CSNK1G1: variants seen among roughly 807,000 people sequenced by gnomAD.
The protein encoded by CSNK1G1 is casein kinase I isoform gamma-1.
In CSNK1G1, 22 loss-of-function variants were observed where a neutral mutation model predicts 59.6. That is an observed-to-expected ratio of 0.37 (90% CI 0.26 to 0.53). The LOEUF is 0.53. CSNK1G1 is among the 20% of genes least tolerant of loss of function. The probability of loss-of-function intolerance (pLI) is 0.89; values close to 1 mark genes in which losing one functional copy is unlikely to be tolerated. For synonymous variants in CSNK1G1, 179 were observed against 177.1 expected (o/e 1.01, Z -0.08); for missense variants, 384 against 519.5 (o/e 0.74, Z 2.54).
chr15:64,238,518 A>ATATATATATAT (rs1331534551), intron 4 of CSNK1G1, among the ~76,000 whole-genome samples: 1 of 49,248 alleles, frequency 2.0e-5, no homozygotes, highest in Non-Finnish European at 3.2e-5. Flanking sequence ...AAAAAAAAAA[A>ATATATATATAT]ATATATATAT....
At chr15:64,266,570 C>T (rs1385221167) in intron 2 of CSNK1G1, among the ~76,000 whole-genome samples, 1 of 152,024 alleles carries the variant, frequency 6.6e-6, no homozygotes, top group Non-Finnish European at 1.5e-5. Flanking sequence ...CCAAAATAAT[C>T]TTGGGCAAAA....
chr15:64,327,376 G>A (rs560939241), intron 1 of CSNK1G1, among the ~76,000 whole-genome samples: 4,865 of 150,710 alleles, frequency 0.032, 240 homozygotes, highest in African/African-American at 0.11. Flanking sequence ...CCTGACCCCC[G>A]AGCAGCCTAA....
intron 1 of CSNK1G1, among the ~76,000 whole-genome samples, chr15:64,310,179 T>C (rs1159807890): frequency 6.6e-6 from 1 of 152,104 alleles, no homozygotes; most frequent in Non-Finnish European, 1.5e-5. Context: ...GGGTGCTTTC[T>C]GGAATTGTCA....
rs2081608109 is a variant in CSNK1G1 at position 64,166,806 on chromosome 15, G to A, written c.*5125C>T. The stretch of plus-strand genomic sequence containing the variant: ...TCCTCTTGTGGGTGTTACTGGAATG[G>A]CTGCACCACACCCCCACTTATTACC... On this transcript the variant is annotated 3_prime_UTR_variant, in exon 12 of 12. Coordinates refer to ENST00000303052, the MANE Select transcript of CSNK1G1 (RefSeq NM_022048.5). The surrounding 1 kb of genome is among the most constrained non-coding windows in gnomAD (Gnocchi z 4.5). 1 of 152,606 alleles carries A rather than the reference G, an allele frequency of 6.6e-6. No individual in the cohort carries two copies. Among genetic ancestry groups the A allele is most frequent in the African/African-American group, 2.4e-5 (1 of 41,430 alleles). The allele number at this position is 152,606 out of a possible 1,614,324, so 9.5% of individuals were successfully genotyped here. A position where few individuals can be genotyped will look rare whatever the true frequency, so the allele number is the denominator to read the frequency against.
chr15:64,258,857 A>G (rs1431266607), intron 3 of CSNK1G1, among the ~76,000 whole-genome samples: 1 of 152,178 alleles, frequency 6.6e-6, no homozygotes, highest in Non-Finnish European at 1.5e-5. Context: ...GTTAAGTTAG[A>G]GAAAAAAACA....
chr15:64,219,593 G>A (rs2140273621), intron 4 of CSNK1G1, among the ~76,000 whole-genome samples: 1 of 151,842 alleles, frequency 6.6e-6, no homozygotes, highest in South Asian at 2.1e-4. Flanking sequence ...CAAACAGCTG[G>A]GAGCACAGGC....
chr15:64,206,117 C>T (rs896454539), intron 7 of CSNK1G1, among the ~76,000 whole-genome samples: 6 of 152,140 alleles, frequency 3.9e-5, no homozygotes, highest in African/African-American at 1.2e-4. Context: ...ACCAGCCTGA[C>T]CAACATGGTG....
intron 1 of CSNK1G1, among the ~76,000 whole-genome samples, chr15:64,353,258 T>C (rs1335661540): frequency 6.6e-6 from 1 of 152,202 alleles, no homozygotes; most frequent in African/African-American, 2.4e-5. Context: ...TAACTAACTA[T>C]AAGTCACCTC....
chr15:64,250,944 G>A (rs1794988663), intron 4 of CSNK1G1, among the ~76,000 whole-genome samples: 1 of 152,170 alleles, frequency 6.6e-6, no homozygotes, highest in Non-Finnish European at 1.5e-5. Context: ...CTGGAAGCCA[G>A]TAAGATATTT....
chr15:64,289,546 AAATT>A (rs1894621445), intron 2 of CSNK1G1, among the ~76,000 whole-genome samples: 1 of 152,176 alleles, frequency 6.6e-6, no homozygotes, highest in South Asian at 2.1e-4. Context: ...TCTTCCAAGA[AAATT>A]AAAATGCACA....
At position 64,267,948 on chromosome 15, in the gene CSNK1G1, T is replaced by C. The variant is rs116400453; in HGVS notation, c.182-8707A>G. The stretch of plus-strand genomic sequence containing the variant: ...TGAACAACATGGCAAAACCCATCTC[T>C]ACAAAAAAATAAAGTAAAATAAATT... On this transcript the variant is annotated intron_variant, in intron 2 of 11. Transcript: ENST00000303052. 8.3e-3 allele frequency among the ~76,000 whole-genome samples: 1,259 copies of C among 152,010 alleles called. 17 individuals are homozygous for C. The highest frequency in any genetic ancestry group is 0.029 in the African/African-American group (1,205 of 41,448).
At chr15:64,334,395 T>G (rs1456435595) in intron 1 of CSNK1G1, among the ~76,000 whole-genome samples, 1 of 151,924 alleles carries the variant, frequency 6.6e-6, no homozygotes, top group Non-Finnish European at 1.5e-5. Flanking sequence ...TTCCACAGAC[T>G]GGGGGTGGAG....
chr15:64,324,495 T>C (rs6494474), intron 1 of CSNK1G1, among the ~76,000 whole-genome samples: 147,443 of 152,310 alleles, frequency 0.97, 71,514 homozygotes, highest in East Asian at 1. Flanking sequence ...ACATCTGACT[T>C]CAAGTTCTTC....
rs1489156130 is a variant in CSNK1G1, at chr15:64,210,779, C to T, written c.679+3111G>A. Among the ~76,000 whole-genome samples the T allele has an allele frequency of 6.6e-6, 1 of 152,202 alleles. No homozygotes were observed. Among genetic ancestry groups the T allele is most frequent in the Non-Finnish European group, 1.5e-5 (1 of 68,040 alleles). On this transcript the variant is annotated intron_variant, in intron 6 of 11. Transcript: ENST00000303052. This position sits in a 1 kb window ranked among gnomAD's most constrained non-coding sequence, Gnocchi z 4.2. ...TGTCCTTCCCCCGGACCCCCCAACACACACAAACCTCACGTTGAAATTTGA... is the reference window on the plus strand; with the variant it reads ...TGTCCTTCCCCCGGACCCCCCAACATACACAAACCTCACGTTGAAATTTGA...
chr15:64,198,951 ACT>A (rs894477575), intron 10 of CSNK1G1, among the ~76,000 whole-genome samples: 1 of 151,758 alleles, frequency 6.6e-6, no homozygotes, highest in Non-Finnish European at 1.5e-5. Context: ...GATACTAAAA[ACT>A]CTAAAATTAA....
At position 64,216,575 on chromosome 15, in the gene CSNK1G1, A is replaced by G. The variant is rs772521557; in HGVS notation, c.431T>C (p.Ile144Thr). ...ATTCCAACTTACCAGCTGGATGGCT[A>G]TCATTAACACCGTCTTCAAAGTAAA... ...RTFTLKTVLM[I>T]AIQLLSRMEY... Residue 144 changes from isoleucine to threonine, a missense_variant, in exon 5 of 12, where the codon ATA (isoleucine) becomes ACA (threonine). By Grantham distance (89) the Ile-to-Thr change is moderately conservative (BLOSUM62 -1). Coordinates refer to ENST00000303052, the MANE Select transcript of CSNK1G1 (RefSeq NM_022048.5). The surrounding 1 kb of genome is among the most constrained non-coding windows in gnomAD (Gnocchi z 4.6). 5.0e-6 allele frequency: 8 copies of G among 1,613,876 alleles called. No homozygotes were observed. The highest frequency in any genetic ancestry group is 1.7e-4 in the Middle Eastern group (1 of 6,056).
At chr15:64,213,566 T>C (rs2082274527) in intron 6 of CSNK1G1, among the ~76,000 whole-genome samples, 2 of 152,214 alleles carry the variant, frequency 1.3e-5, no homozygotes, top group Non-Finnish European at 2.9e-5. Flanking sequence ...AGGACTATCA[T>C]ATATAGGGTC....
chr15:64,281,442 T>C (rs752507045), intron 2 of CSNK1G1, among the ~76,000 whole-genome samples: 14 of 151,744 alleles, frequency 9.2e-5, no homozygotes, highest in Admixed American at 3.9e-4. Flanking sequence ...TCCATCTCTA[T>C]AAAAATAAAA....
At chr15:64,193,291 A>ACCAT (rs2081995916) in intron 10 of CSNK1G1, among the ~76,000 whole-genome samples, 1 of 152,028 alleles carries the variant, frequency 6.6e-6, no homozygotes, top group African/African-American at 2.4e-5. Context: ...GAAGATTGAG[A>ACCAT]CCATCCTGGC....
Sources: allele counts gnomAD v4.1 joint callset (sites outside exome capture counted in the v4.1 genomes callset), GRCh38; gene constraint gnomAD v4.1.1; non-coding constraint Gnocchi (gnomAD v3.1); transcripts MANE v1.5; gene names NCBI Gene and HGNC (gene_info 2026-07-23, HGNC 2026-07-21).